The following ATP6V1C2 variants were observed in gnomAD, a reference collection of about 807,000 sequenced individuals.
ATP6V1C2 encodes ATPase H+ transporting V1 subunit C2, also known as V-type proton ATPase subunit C 2.
Under a neutral mutation model 56.8 loss-of-function variants are expected in ATP6V1C2, and 45 were observed. The ratio of observed to expected loss-of-function variants is 0.79; its 90% confidence interval spans 0.62 to 1.02. ATP6V1C2 has a LOEUF of 1.02. Among genes scored for constraint, ATP6V1C2 ranks in the 50% least tolerant of loss-of-function variants. The pLI is 0.00. For synonymous variants in ATP6V1C2, 220 were observed against 201.3 expected (o/e 1.09, Z -0.79); for missense variants, 463 against 519.7 (o/e 0.89, Z 1.06).
chr2:10,728,628 T>A (rs1276282246), intron 3 of ATP6V1C2, among the ~76,000 whole-genome samples: 1 of 152,056 alleles, frequency 6.6e-6, no homozygotes, highest in East Asian at 1.9e-4. Flanking sequence ...TACAAAACAT[T>A]AGCTGGGTAT....
chr2:10,744,663 C>A lies in ATP6V1C2; in HGVS notation c.198-9318C>A, dbSNP rs1261578538. On this transcript the variant is annotated intron_variant, in intron 3 of 13. Transcript: ENST00000272238. ...CCATGCTTGATGGGTTTTTTTTTCTCTTTTTCTTTTTTTTTTTTTTTTTTG... is the reference window on the plus strand; with the variant it reads ...CCATGCTTGATGGGTTTTTTTTTCTATTTTTCTTTTTTTTTTTTTTTTTTG... Among the ~76,000 whole-genome samples the A allele has an allele frequency of 1.7e-3, 240 of 138,700 alleles. 3 individuals are homozygous for A. The highest frequency in any genetic ancestry group is 1.4e-3 in the Admixed American group (18 of 13,322). 91.0% of individuals were successfully genotyped at this position (138,700 alleles called of 152,430 possible).
At chr2:10,768,430 G>C (rs908512150) in intron 5 of ATP6V1C2, among the ~76,000 whole-genome samples, 2 of 152,376 alleles carry the variant, frequency 1.3e-5, no homozygotes, top group Admixed American at 6.5e-5. Context: ...AGCAGAGCCT[G>C]AGAGGGTAGG....
chr2:10,761,950 C>T (rs1214630929), intron 4 of ATP6V1C2, among the ~76,000 whole-genome samples: 8 of 152,232 alleles, frequency 5.3e-5, no homozygotes, highest in Admixed American at 1.3e-4. Flanking sequence ...GCAGGTTCCA[C>T]CTGCAGCAAG....
intron 3 of ATP6V1C2, among the ~76,000 whole-genome samples, chr2:10,743,681 A>G (rs1662687049): frequency 6.6e-6 from 1 of 151,332 alleles, no homozygotes; most frequent in African/African-American, 2.4e-5. Flanking sequence ...CTGTCTGTAC[A>G]AATAATAATA....
intron 8 of ATP6V1C2, 117 bp from the exon 9 acceptor site, chr2:10,774,671 A>G (rs1664840919): frequency 2.4e-6 from 2 of 830,514 alleles, no homozygotes; most frequent in Non-Finnish European, 2.0e-6. Context: ...TTGGTTCCCC[A>G]GCCCTCAGCT....
At chr2:10,755,943 C>T (rs767623448) in intron 4 of ATP6V1C2, among the ~76,000 whole-genome samples, 48 of 152,120 alleles carry the variant, frequency 3.2e-4, no homozygotes, top group Non-Finnish European at 6.0e-4. Flanking sequence ...TATTTCAGTG[C>T]CTTTAAAGTG....
chr2:10,732,547 A>G (rs1469962256), intron 3 of ATP6V1C2, among the ~76,000 whole-genome samples: 1 of 152,028 alleles, frequency 6.6e-6, no homozygotes, highest in Non-Finnish European at 1.5e-5. Flanking sequence ...GGCGTGAGCC[A>G]CCATGCCCAG....
intron 3 of ATP6V1C2, among the ~76,000 whole-genome samples, chr2:10,752,705 G>A (rs1015391817): frequency 6.6e-6 from 1 of 152,082 alleles, no homozygotes; most frequent in African/African-American, 2.4e-5. Flanking sequence ...CATCAATTTA[G>A]CTAAAATCGG....
At chr2:10,729,830 G>C (rs780043604) in intron 3 of ATP6V1C2, among the ~76,000 whole-genome samples, 9 of 152,210 alleles carry the variant, frequency 5.9e-5, no homozygotes, top group Admixed American at 4.6e-4. Flanking sequence ...CCTCCAGCCT[G>C]GATGACAGAT....
At chr2:10,752,694 A>C (rs1225867974) in intron 3 of ATP6V1C2, among the ~76,000 whole-genome samples, 2 of 152,108 alleles carry the variant, frequency 1.3e-5, no homozygotes, top group African/African-American at 4.8e-5. Flanking sequence ...CAAAATAATT[A>C]CATCAATTTA....
At position 10,749,130 on chromosome 2, in the gene ATP6V1C2, C is replaced by CA. The variant is rs56095492; in HGVS notation, c.198-4831dup. On this transcript the variant is annotated intron_variant, in intron 3 of 13. Transcript: ENST00000272238. ...GGACAACAAGAGCAAAACTCCGTCT[C>CA]AAAAAAAAAAAAAAAAAAAAGAATG... Among the ~76,000 whole-genome samples the CA allele has an allele frequency of 8.4e-3, 799 of 94,730 alleles. 13 individuals are homozygous for CA. Among genetic ancestry groups the CA allele is most frequent in the African/African-American group, 0.027 (713 of 26,328 alleles). The allele number at this position is 94,730 out of a possible 152,430, so 62.1% of individuals were successfully genotyped here. A position where few individuals can be genotyped will look rare whatever the true frequency, so the allele number is the denominator to read the frequency against.
rs144539093 is a variant in ATP6V1C2 at position 10,734,479 on chromosome 2, C to A, written c.197+7910C>A. On this transcript the variant is annotated intron_variant, in intron 3 of 13. Transcript: ENST00000272238. ...ATCCCTAGCACCTGTAACATGGCGGCCCTTGGTGACTGATTGAATGGATGA... is the reference window on the plus strand; with the variant it reads ...ATCCCTAGCACCTGTAACATGGCGGACCTTGGTGACTGATTGAATGGATGA... Among the ~76,000 whole-genome samples, 1,128 of 152,214 alleles carry A rather than the reference C, an allele frequency of 7.4e-3. 16 individuals carry two copies. The highest frequency in any genetic ancestry group is 0.027 in the African/African-American group (1,100 of 41,506).
Position 10,771,998 on chromosome 2 carries a change from G to A in ATP6V1C2, c.569+61G>A, listed in dbSNP as rs142213907. ...GCCCAGTGGAGAGGAAGGTGGACCC[G>A]TTGGTGACTTGGGCAGTGTGGACGA... is the stretch of plus-strand genomic sequence containing the variant. On this transcript the variant is annotated intron_variant, in intron 7 of 13. Coordinates refer to ENST00000272238, the MANE Select transcript of ATP6V1C2 (RefSeq NM_001039362.2). 7.9e-4 allele frequency: 1,156 copies of A among 1,462,642 alleles called. 6 individuals are homozygous for A. The African/African-American group carries it at 0.014, about 18-fold the overall frequency. 90.6% of individuals were successfully genotyped at this position (1,462,642 alleles called of 1,614,324 possible). A position where few individuals can be genotyped will look rare whatever the true frequency, so the allele number is the denominator to read the frequency against.
At chr2:10,754,873 G>A (rs981231729) in intron 4 of ATP6V1C2, among the ~76,000 whole-genome samples, 1 of 151,810 alleles carries the variant, frequency 6.6e-6, no homozygotes, top group African/African-American at 2.4e-5. Flanking sequence ...CACCGCGCCC[G>A]GCCTATTATG....
intron 3 of ATP6V1C2, among the ~76,000 whole-genome samples, chr2:10,728,436 GTTAA>G (rs1661763983): frequency 6.6e-6 from 1 of 152,120 alleles, no homozygotes; most frequent in African/African-American, 2.4e-5. Flanking sequence ...TTGCATTTTA[GTTAA>G]ATAACGTATC....
chr2:10,777,847 TGAG>T (rs767390763), intron 11 of ATP6V1C2, 125 bp downstream of exon 11: 294 of 1,237,994 alleles, frequency 2.4e-4, no homozygotes, highest in Admixed American at 3.0e-4. Context: ...GTCTTAAATT[TGAG>T]GAGCCGGAAT....
At chr2:10,766,425 C>T (rs983806200) in intron 5 of ATP6V1C2, among the ~76,000 whole-genome samples, 2 of 152,222 alleles carry the variant, frequency 1.3e-5, no homozygotes, top group African/African-American at 2.4e-5. Context: ...TCAGGTCACA[C>T]AGCCAGTAAA....
rs1665570594 is a variant in ATP6V1C2 at position 10,784,054 on chromosome 2, TACA to T, written c.*796_*798del. On this transcript the variant is annotated 3_prime_UTR_variant, in exon 14 of 14. Transcript: ENST00000272238. ...ACAGAATACGACTCAATTCACCGGC[TACA>T]ACAATTCATAGAATTTTTCAATGTT... 2.1e-5 allele frequency: 9 copies of T among 429,858 alleles called. No individual in the cohort carries two copies. The highest frequency in any genetic ancestry group is 1.3e-4 in the South Asian group (2 of 15,968). 26.6% of individuals were successfully genotyped at this position (429,858 alleles called of 1,614,324 possible). A position where few individuals can be genotyped will look rare whatever the true frequency, so the allele number is the denominator to read the frequency against.
chr2:10,777,950 C>A (rs939456757), intron 11 of ATP6V1C2, among the ~76,000 whole-genome samples: 2 of 151,146 alleles, frequency 1.3e-5, no homozygotes, highest in Non-Finnish European at 3.0e-5. Flanking sequence ...TCTCCCCGGG[C>A]GCCTGGCTGG....
Sources: gnomAD v4.1 joint callset for allele counts (sites outside exome capture counted in the v4.1 genomes callset) on GRCh38, gnomAD v4.1.1 for gene constraint, MANE v1.5 for transcripts, NCBI Gene and HGNC (gene_info 2026-07-23, HGNC 2026-07-21) for gene names.